The following KCNQ1 variants were observed in gnomAD, a reference collection of about 807,000 sequenced individuals.
The protein encoded by KCNQ1 is potassium voltage-gated channel subfamily Q member 1, also known as potassium voltage-gated channel subfamily KQT member 1.
Under a neutral mutation model 72.4 loss-of-function variants are expected in KCNQ1, and 49 were observed. That is an observed-to-expected ratio of 0.68 (90% CI 0.54 to 0.86). KCNQ1 has a LOEUF of 0.86. Ranked by LOEUF, KCNQ1 falls within the 40% of genes least tolerant of loss-of-function variation. The probability of loss-of-function intolerance (pLI) is 0.00; values close to 1 mark genes in which losing one functional copy is unlikely to be tolerated. For missense variants in KCNQ1, 790 were observed against 945.1 expected (o/e 0.84, Z 2.15); for synonymous variants, 450 against 412.6 (o/e 1.09, Z -1.10).
intron 11 of KCNQ1, chr11:2,667,582 GGGGCGGGGTT>G: frequency 2.5e-6 from 1 of 398,100 alleles, no homozygotes; most frequent in Non-Finnish European, 4.4e-6. Context: ...GCAGGGGGTC[GGGGCGGGGTT>G]GGGCGGGGGG....
At chr11:2,574,050 T>C (rs960176860) in intron 6 of KCNQ1, among the ~76,000 whole-genome samples, 4 of 152,176 alleles carry the variant, frequency 2.6e-5, no homozygotes, top group African/African-American at 7.2e-5. Context: ...TCGGCGTTTA[T>C]ATATGCATGG....
chr11:2,714,340 G>A (rs1453903722), intron 11 of KCNQ1, among the ~76,000 whole-genome samples: 1 of 152,210 alleles, frequency 6.6e-6, no homozygotes, highest in Non-Finnish European at 1.5e-5. Context: ...CACTATGGGC[G>A]AGCTGCCTGC....
intron 10 of KCNQ1, among the ~76,000 whole-genome samples, chr11:2,604,929 G>A (rs1243155387): frequency 6.6e-5 from 10 of 152,142 alleles, no homozygotes; most frequent in Non-Finnish European, 1.0e-4. Flanking sequence ...TGAGCACTGC[G>A]CAAGTTCTCC....
intron 10 of KCNQ1, among the ~76,000 whole-genome samples, chr11:2,594,127 G>A (rs937865968): frequency 6.6e-6 from 1 of 152,132 alleles, no homozygotes; most frequent in African/African-American, 2.4e-5. Flanking sequence ...GTTTCTTTCA[G>A]TGAAGGTAAA....
In KCNQ1 at chr11:2,653,656, T is replaced by C. The variant is rs1849792455; in HGVS notation, c.1394-8305T>C. Reference sequence around the variant, plus strand: ...CAGCTACTTTCTAAAAGGGGCAAAATGGCCACCAGCTTGCATTCAACAGCT... The same window carrying C: ...CAGCTACTTTCTAAAAGGGGCAAAACGGCCACCAGCTTGCATTCAACAGCT... On this transcript the variant is annotated intron_variant, in intron 10 of 15. Coordinates refer to ENST00000155840, the MANE Select transcript of KCNQ1 (RefSeq NM_000218.3). The surrounding 1 kb of genome is among the most constrained non-coding windows in gnomAD (Gnocchi z 5.3). 2.5e-6 allele frequency: 1 copy of C among 398,552 alleles called. No individual in the cohort carries two copies. The highest frequency in any genetic ancestry group is 1.3e-4 in the South Asian group (1 of 7,860). 24.7% of individuals were successfully genotyped at this position (398,552 alleles called of 1,614,324 possible). A position where few individuals can be genotyped will look rare whatever the true frequency, so the allele number is the denominator to read the frequency against.
intron 11 of KCNQ1, among the ~76,000 whole-genome samples, chr11:2,765,788 A>C (rs529784139): frequency 1.3e-5 from 2 of 152,200 alleles, no homozygotes; most frequent in Non-Finnish European, 2.9e-5. Flanking sequence ...TGGCTACACC[A>C]TGACCTATCT....
chr11:2,753,823 C>T (rs1477176145), intron 11 of KCNQ1, among the ~76,000 whole-genome samples: 1 of 152,196 alleles, frequency 6.6e-6, no homozygotes, highest in East Asian at 1.9e-4. Flanking sequence ...AACTTCCCAG[C>T]TTCCCTCTAT....
rs59809880 is a variant in KCNQ1, at chr11:2,808,577, C to G, written c.1794+30540C>G. Among the ~76,000 whole-genome samples, 1 of 151,998 alleles carries G rather than the reference C, an allele frequency of 6.6e-6. No individual in the cohort carries two copies. Among genetic ancestry groups the G allele is most frequent in the Non-Finnish European group, 1.5e-5 (1 of 68,020 alleles). On this transcript the variant is annotated intron_variant, in intron 15 of 15. Transcript: ENST00000155840. This position sits in a 1 kb window ranked among gnomAD's most constrained non-coding sequence, Gnocchi z 6.0. ...CATTAATTTTTTAAATGGGAGTCCT[C>G]AGGTAGGTTGGTTGATTGAGTGATT...
intron 11 of KCNQ1, among the ~76,000 whole-genome samples, chr11:2,754,734 C>G (rs1448360059): frequency 2.0e-5 from 3 of 152,168 alleles, no homozygotes; most frequent in Non-Finnish European, 2.9e-5. Context: ...TAAAAGCAAA[C>G]CTTAAAACTC....
At position 2,601,821 on chromosome 11, in the gene KCNQ1, C is replaced by T. The variant is rs1848812518; in HGVS notation, c.1393+12967C>T. ...CCAGTTTATTTAACCATTCCCTCAT[C>T]CAAGGACATGTGGGTCATTCCCAGT... On this transcript the variant is annotated intron_variant, in intron 10 of 15. Coordinates refer to ENST00000155840, the MANE Select transcript of KCNQ1 (RefSeq NM_000218.3). The surrounding 1 kb of genome is among the most constrained non-coding windows in gnomAD (Gnocchi z 5.2). Among the ~76,000 whole-genome samples, 1 of 152,128 alleles carries T rather than the reference C, an allele frequency of 6.6e-6. No individual in the cohort carries two copies. The highest frequency in any genetic ancestry group is 6.5e-5 in the Admixed American group (1 of 15,270).
rs930733522 is a variant in KCNQ1, at chr11:2,599,942, G to A, written c.1393+11088G>A. ...AACCTTGTGGGACACAATTCAGCCC[G>A]TGACACAGGAATAGGCTTGTTAATT... On this transcript the variant is annotated intron_variant, in intron 10 of 15. Coordinates refer to ENST00000155840, the MANE Select transcript of KCNQ1 (RefSeq NM_000218.3). This position sits in a 1 kb window ranked among gnomAD's most constrained non-coding sequence, Gnocchi z 4.7. Among the ~76,000 whole-genome samples the A allele has an allele frequency of 2.6e-5, 4 of 152,256 alleles. No homozygotes were observed. The highest frequency in any genetic ancestry group is 4.4e-5 in the Non-Finnish European group (3 of 68,050).
At position 2,678,391 on chromosome 11, in the gene KCNQ1, A is replaced by T. The variant is rs1045826607; in HGVS notation, c.1514+16310A>T. The T allele has an allele frequency of 5.0e-6, 2 of 398,550 alleles. No individual in the cohort carries two copies. Among genetic ancestry groups the T allele is most frequent in the African/African-American group, 4.1e-5 (2 of 48,732 alleles). The allele number at this position is 398,550 out of a possible 1,614,324, so 24.7% of individuals were successfully genotyped here. A position where few individuals can be genotyped will look rare whatever the true frequency, so the allele number is the denominator to read the frequency against. On this transcript the variant is annotated intron_variant, in intron 11 of 15. Coordinates refer to ENST00000155840, the MANE Select transcript of KCNQ1 (RefSeq NM_000218.3). This position sits in a 1 kb window ranked among gnomAD's most constrained non-coding sequence, Gnocchi z 4.9. ...AATTAAATCCAATTTGGTTTCCCAT[A>T]TATTTGTCCAGTTGTCCAACACTAT...
At chr11:2,632,692 G>A (rs920831249) in intron 10 of KCNQ1, 7 of 398,176 alleles carry the variant, frequency 1.8e-5, no homozygotes, top group Non-Finnish European at 3.1e-5. Context: ...CCATCTTTCT[G>A]TGCCTAATTT....
intron 11 of KCNQ1, among the ~76,000 whole-genome samples, chr11:2,749,601 A>G (rs1363489211): frequency 2.7e-5 from 4 of 148,684 alleles, no homozygotes; most frequent in Non-Finnish European, 5.9e-5. Context: ...CGAGGTCAGG[A>G]GATCGAGACC....
rs1269145490 is a variant in KCNQ1, at chr11:2,495,093, C to G, written c.387-32835C>G. Among the ~76,000 whole-genome samples the G allele has an allele frequency of 6.6e-6, 1 of 152,018 alleles. No individual in the cohort carries two copies. The highest frequency in any genetic ancestry group is 2.4e-5 in the African/African-American group (1 of 41,358). Reference sequence around the variant, plus strand: ...AGGGTGTATGTGTCCAGGAATTTATCCATTTTTTCTAGATTTTCTAGTTTA... The same window carrying G: ...AGGGTGTATGTGTCCAGGAATTTATGCATTTTTTCTAGATTTTCTAGTTTA... On this transcript the variant is annotated intron_variant, in intron 1 of 15. Transcript: ENST00000155840. The surrounding 1 kb of genome is among the most constrained non-coding windows in gnomAD (Gnocchi z 4.6).
chr11:2,454,896 T>C (rs1166326532), intron 1 of KCNQ1, among the ~76,000 whole-genome samples: 4 of 152,042 alleles, frequency 2.6e-5, no homozygotes, highest in Non-Finnish European at 5.9e-5. Context: ...CTATTCAAAA[T>C]AATACTGGAG....
Position 2,451,431 on chromosome 11 carries a change from C to T in KCNQ1, c.386+5947C>T, listed in dbSNP as rs899233300. On this transcript the variant is annotated intron_variant, in intron 1 of 15. Transcript: ENST00000155840. The surrounding 1 kb of genome is among the most constrained non-coding windows in gnomAD (Gnocchi z 6.4). ...GTGCGGCCTGCTCCCTAACAGGCCA[C>T]GGACCCGGGGTTGGAGAACCCTGTC... Among the ~76,000 whole-genome samples, 3 of 152,186 alleles carry T rather than the reference C, an allele frequency of 2.0e-5. No individual in the cohort carries two copies. Among genetic ancestry groups the T allele is most frequent in the Middle Eastern group, 3.2e-3 (1 of 316 alleles).
intron 10 of KCNQ1, chr11:2,644,599 A>T (rs1232680519): frequency 2.5e-6 from 1 of 398,244 alleles, no homozygotes; most frequent in East Asian, 3.6e-5. Flanking sequence ...ATTCCTTAGG[A>T]GTTGTCATGT....
chr11:2,691,247 G>A lies in KCNQ1; in HGVS notation c.1514+29166G>A, dbSNP rs1850583239. On this transcript the variant is annotated intron_variant, in intron 11 of 15. Transcript: ENST00000155840. This position sits in a 1 kb window ranked among gnomAD's most constrained non-coding sequence, Gnocchi z 6.4. ...AGAGGATCTGCAGTTAACCCCTTGA[G>A]TCTCGGAAGGCTGTTTGAGCCACTA... 2.5e-6 allele frequency: 1 copy of A among 398,632 alleles called. No homozygotes were observed. 24.7% of individuals were successfully genotyped at this position (398,632 alleles called of 1,614,324 possible).
Sources: gnomAD v4.1 joint callset for allele counts (sites outside exome capture counted in the v4.1 genomes callset) on GRCh38, gnomAD v4.1.1 for gene constraint, Gnocchi (gnomAD v3.1) non-coding constraint, MANE v1.5 for transcripts, NCBI Gene and HGNC (gene_info 2026-07-23, HGNC 2026-07-21) for gene names.